The following KLC3 variants were observed in gnomAD, a reference collection of about 807,000 sequenced individuals.
The protein encoded by KLC3 is kinesin light chain 2.
KLC3 carries 72 observed loss-of-function variants against 62.9 expected under a neutral mutation model. That is an observed-to-expected ratio of 1.15 (90% CI 0.95 to 1.39). KLC3 has a LOEUF of 1.39. Among genes scored for constraint, KLC3 ranks in the 40% most tolerant of loss-of-function variants. The probability of loss-of-function intolerance (pLI) is 0.00; values close to 1 mark genes in which losing one functional copy is unlikely to be tolerated. For missense variants in KLC3, 848 were observed against 691.6 expected, an observed-to-expected ratio of 1.23 and a Z score of -2.54; for synonymous variants, 377 against 300.5, an observed-to-expected ratio of 1.25 and a Z score of -2.63.
In KLC3 at chr19:45,348,921, G is replaced by A. The variant is rs201714772; in HGVS notation, c.969G>A (p.Lys323=). ...LCQRALEIRE[K]VLGADHPDVA... ...AGCGCGCTTTGGAGATCCGAGAGAA[G>A]GTCCCATCCCCCTCACCCCACCCCG... is the stretch of plus-strand genomic sequence containing the variant. Residue 323 remains lysine, a splice_region_variant and synonymous_variant, in exon 7 of 13, where the codon AAG becomes AAA. Transcript: ENST00000391946. 1.3e-4 allele frequency: 198 copies of A among 1,574,722 alleles called. No individual in the cohort carries two copies. In the African/African-American group the frequency reaches 1.9e-3, roughly 15 times the overall value.
chr19:45,345,963 C>T (rs995668939), intron 2 of KLC3, among the ~76,000 whole-genome samples, 164 bp downstream of exon 2: 1 of 151,978 alleles, frequency 6.6e-6, no homozygotes, highest in Non-Finnish European at 1.5e-5. Flanking sequence ...GTCAGGAGTT[C>T]AAGACCAGCC....
rs200641209 is a variant in KLC3, at chr19:45,346,662, C to T, written c.377C>T (p.Thr126Met). The T allele has an allele frequency of 4.0e-4, 622 of 1,559,582 alleles. 4 individuals are homozygous for T. The African/African-American group carries it at 7.1e-3, about 18-fold the overall frequency. ...TGGCTGCGGGAGGAACTGGAGGAGA[C>T]GCAGCGGCGGCTTCGGGCCAGCGAG... ...NVWLREELEE[T>M]QRRLRASEES... Residue 126 changes from threonine to methionine, a missense_variant, in exon 3 of 13, where the codon ACG becomes ATG. By Grantham distance (81) the Thr-to-Met change is moderately conservative. Transcript: ENST00000391946.
At position 45,350,977 on chromosome 19, in the gene KLC3, ACACACTGAACGTG is replaced by A; in HGVS notation, c.1404_1416del (p.Asn468LysfsTer30). On this transcript the variant is annotated frameshift_variant, in exon 12 of 13. Coordinates refer to ENST00000391946, the MANE Select transcript of KLC3 (RefSeq NM_177417.3). LOFTEE classifies it high-confidence loss of function. ...AGAATGAAGAGAGCCATGTCACTCA[ACACACTGAACGTG>A]GATGCTCCAAGGGCTCCTGGGACTC... 6.2e-7 allele frequency: 1 copy of A among 1,614,070 alleles called. No homozygotes were observed. The highest frequency in any genetic ancestry group is 2.2e-5 in the East Asian group (1 of 44,874).
intron 1 of KLC3, among the ~76,000 whole-genome samples, chr19:45,343,442 C>A (rs1971429640): frequency 6.6e-6 from 1 of 152,070 alleles, no homozygotes; most frequent in East Asian, 1.9e-4. Context: ...TCAAGCAATT[C>A]TCATGCCTCA....
At chr19:45,347,039 A>C in intron 3 of KLC3, 1 of 465,456 alleles carries the variant, frequency 2.1e-6, no homozygotes, top group Non-Finnish European at 3.8e-6. Context: ...CGTGACCACC[A>C]CCTCCCTCAA....
rs769761307 is a variant in KLC3, at chr19:45,350,407, A to G, written c.1210A>G (p.Lys404Glu). The change falls in exon 9 of 13, where the codon AAG (lysine) becomes GAG (glutamate). Residue 404 changes from lysine (K) to glutamate (E), a missense_variant. Coordinates refer to ENST00000391946, the MANE Select transcript of KLC3 (RefSeq NM_177417.3). ...AGAGCTGTACAAAGAAATCCTCCAC[A>G]AGGAGGACCTACCCGCCCCTCTCGG... is the stretch of plus-strand genomic sequence containing the variant. ...AEELYKEILH[K>E]EDLPAPLGAP... 2 of 1,613,260 alleles carry G rather than the reference A, an allele frequency of 1.2e-6. No individual in the cohort carries two copies. Among genetic ancestry groups the G allele is most frequent in the African/African-American group, 1.3e-5 (1 of 74,692 alleles).
chr19:45,347,616 G>A (rs1291744942), intron 4 of KLC3, 100 bp downstream of exon 4: 4 of 1,114,476 alleles, frequency 3.6e-6, no homozygotes, highest in Non-Finnish European at 5.2e-6. Context: ...GGGATGGGGA[G>A]GTGAGGGCAG....
intron 1 of KLC3, among the ~76,000 whole-genome samples, chr19:45,341,589 G>GCGCGCGCGCGCA (rs71173156): frequency 1.3e-5 from 2 of 150,274 alleles, no homozygotes; most frequent in Admixed American, 6.6e-5. Context: ...GCGCGCGCGC[G>GCGCGCGCGCGCA]TGTGGTGGAC....
intron 8 of KLC3, chr19:45,349,931 G>A (rs1971636815): frequency 2.4e-6 from 1 of 421,018 alleles, no homozygotes; most frequent in Non-Finnish European, 4.3e-6. Flanking sequence ...CTATGAGGTG[G>A]GAGCTGTCGC....
intron 1 of KLC3, among the ~76,000 whole-genome samples, chr19:45,343,329 T>C (rs574751622): frequency 6.6e-6 from 1 of 152,222 alleles, no homozygotes; most frequent in Admixed American, 6.6e-5. Flanking sequence ...CTTTCTTTTT[T>C]TTAAATAATA....
chr19:45,344,154 A>T (rs1209192498), intron 1 of KLC3, among the ~76,000 whole-genome samples: 12 of 142,122 alleles, frequency 8.4e-5, no homozygotes, highest in South Asian at 4.6e-4. Flanking sequence ...CTAATGAGGG[A>T]GTGTGTGTGT....
At chr19:45,349,692 A>AGGGTGGGGTGGGGG in intron 8 of KLC3, 90 bp downstream of exon 8, 1 of 678,342 alleles carries the variant, frequency 1.5e-6, no homozygotes, top group Non-Finnish European at 2.1e-6. Flanking sequence ...GAGCAACGTG[A>AGGGTGGGGTGGGGG]GGGTGGGGGG....
chr19:45,350,790 A>C, intron 11 of KLC3, 43 bp downstream of exon 11: 1 of 1,547,052 alleles, frequency 6.5e-7, no homozygotes, highest in South Asian at 1.2e-5. Context: ...ACATCAGCAG[A>C]ATCCACAGCC....
intron 8 of KLC3, 97 bp downstream of exon 8, chr19:45,349,699 G>T (rs573461456): frequency 5.7e-6 from 5 of 884,128 alleles, no homozygotes; most frequent in South Asian, 3.7e-5. Flanking sequence ...GTGAGGGTGG[G>T]GGGGGGCCCC....
At position 45,346,738 on chromosome 19, in the gene KLC3, G is replaced by A. The variant is rs1334693030; in HGVS notation, c.453G>A (p.Gly151=). Residue 151 remains glycine, a synonymous_variant, in exon 3 of 13, where the codon GGG becomes GGA. Coordinates refer to ENST00000391946, the MANE Select transcript of KLC3 (RefSeq NM_177417.3). ...EEEKRHLEFL[G]QLRQYDPPAE... is the part of the protein sequence containing the mutation. ...AGAAGCGCCACCTGGAGTTCCTGGG[G>A]CAGCTGCGACAGTACGACCCACCGG... 1.1e-5 allele frequency: 17 copies of A among 1,588,694 alleles called. No homozygotes were observed. The highest frequency in any genetic ancestry group is 1.3e-5 in the Non-Finnish European group (15 of 1,168,478).
chr19:45,349,773 A>G, intron 8 of KLC3, 171 bp downstream of exon 8: 2 of 631,362 alleles, frequency 3.2e-6, no homozygotes, highest in Non-Finnish European at 5.2e-6. Context: ...ACACGGAATC[A>G]GGAAACGCGT....
rs775041363 is a variant in KLC3 at position 45,349,593 on chromosome 19, GAAC to G, written c.1138_1140del (p.Asn380del). The G allele has an allele frequency of 6.6e-5, 106 of 1,610,908 alleles. No homozygotes were observed. Among genetic ancestry groups the G allele is most frequent in the Non-Finnish European group, 2.3e-5 (27 of 1,178,030 alleles). On this transcript the variant is annotated inframe_deletion, in exon 8 of 13. Transcript: ENST00000391946. ...ATGACCCCAACGTGGCCAAGACCAA[GAAC>G]AACCTGGTGAGGCCCCTGGGGCTCA... is the stretch of plus-strand genomic sequence containing the variant.
At chr19:45,344,857 T>A (rs1039968853) in intron 1 of KLC3, 3 of 153,676 alleles carry the variant, frequency 2.0e-5, no homozygotes, top group Non-Finnish European at 4.3e-5. Context: ...CTGGCTAAGC[T>A]TGTCCGATGG....
rs1353965467 is a variant in KLC3 at position 45,348,930 on chromosome 19, C to A, written c.969+9C>A. 1.3e-6 allele frequency: 2 copies of A among 1,565,444 alleles called. No homozygotes were observed. The highest frequency in any genetic ancestry group is 1.7e-6 in the Non-Finnish European group (2 of 1,154,048). On this transcript the variant is annotated intron_variant, in intron 7 of 12. Transcript: ENST00000391946. ...TGGAGATCCGAGAGAAGGTCCCATC[C>A]CCCTCACCCCACCCCGAGGAACCCC...
Sources: allele counts gnomAD v4.1 joint callset (sites outside exome capture counted in the v4.1 genomes callset), GRCh38; gene constraint gnomAD v4.1.1; transcripts MANE v1.5; gene names NCBI Gene and HGNC (gene_info 2026-07-23, HGNC 2026-07-21).